TMEM63A: variants seen among roughly 807,000 people sequenced by gnomAD.
TMEM63A encodes mechanosensitive cation channel TMEM63A.
A neutral mutation model predicts 100.6 loss-of-function variants in TMEM63A; 76 were observed. That is an observed-to-expected ratio of 0.76 (90% CI 0.63 to 0.91). TMEM63A has a LOEUF of 0.91. Among genes scored for constraint, TMEM63A ranks in the 40% least tolerant of loss-of-function variants. The pLI, the probability that TMEM63A is intolerant of heterozygous loss-of-function variation, is 0.00. For missense variants in TMEM63A, 876 were observed against 1,008.8 expected (o/e 0.87, Z 1.78); for synonymous variants, 401 against 401.1 (o/e 1.00, Z 0.00).
At chr1:225,872,945 C>T (rs1235486610) in intron 4 of TMEM63A, among the ~76,000 whole-genome samples, 3 of 152,112 alleles carry the variant, frequency 2.0e-5, no homozygotes, top group Non-Finnish European at 4.4e-5. Context: ...ACCCCCGCCT[C>T]GGCCTCCCAA....
Position 225,859,244 on chromosome 1 carries a change from C to G in TMEM63A, c.1329G>C (p.Leu443=). 6.2e-7 allele frequency: 1 copy of G among 1,614,046 alleles called. No homozygotes were observed. The highest frequency in any genetic ancestry group is 8.5e-7 in the Non-Finnish European group (1 of 1,180,024). The change falls in exon 15 of 25, where the codon CTG becomes CTC. Residue 443 remains leucine, a synonymous_variant. Transcript: ENST00000366835. ...LFFLTTPSII[L]STMDKFNVTK... ...TGACATTAAACTTGTCCATGGTGGA[C>G]AGGATGATGGAGGGTGTGGTCAGGA...
At position 225,862,588 on chromosome 1, in the gene TMEM63A, T is replaced by A. The variant is rs1252540937; in HGVS notation, c.828-10A>T. ...CTTCTCAGTCTTCTTTCTGTAGGGG[T>A]GGGAGCGGGGGCACAAACCTCAGAT... On this transcript the variant is annotated splice_polypyrimidine_tract_variant and intron_variant, in intron 11 of 24. Coordinates refer to ENST00000366835, the MANE Select transcript of TMEM63A (RefSeq NM_014698.3). This position sits in a 1 kb window ranked among gnomAD's most constrained non-coding sequence, Gnocchi z 5.1. The A allele has an allele frequency of 1.9e-6, 3 of 1,611,560 alleles. No individual in the cohort carries two copies.
rs1670862401 is a variant in TMEM63A at position 225,877,449 on chromosome 1, C to A, written c.132G>T (p.Gly44=). 6.2e-7 allele frequency: 1 copy of A among 1,614,194 alleles called. No homozygotes were observed. Among genetic ancestry groups the A allele is most frequent in the Non-Finnish European group, 8.5e-7 (1 of 1,180,044 alleles). ...CAGTGGGGATGCCACCAAAGGTGAC[C>A]CCCTGGAGCACGGTGCTGTTTTTGG... ...NSAKNSTVLQ[G]VTFGGIPTVL... Residue 44 remains glycine (G), a synonymous_variant, in exon 3 of 25, where the codon GGG becomes GGT. Transcript: ENST00000366835.
Position 225,852,675 on chromosome 1 carries a change from A to G in TMEM63A, c.1892T>C (p.Ile631Thr). The change falls in exon 20 of 25, where the codon ATC becomes ACC. Residue 631 changes from isoleucine (I) to threonine (T), a missense_variant. By Grantham distance (89) the Ile-to-Thr change is moderately conservative (BLOSUM62 -1). Around this residue, in one of 5 missense-constraint regions of TMEM63A, gnomAD observed 339 missense variants for 342.3 expected, o/e 0.99. Coordinates refer to ENST00000366835, the MANE Select transcript of TMEM63A (RefSeq NM_014698.3). The stretch of plus-strand genomic sequence containing the variant: ...CCAGGGCCACTCACCAAATGGCGCG[A>G]TGATGGGACAAGTGATGCTGTAGGC... ...IVAYSITCPIIAPFGLIYILL... is the reference protein window; with the variant it reads ...IVAYSITCPITAPFGLIYILL... 1.2e-6 allele frequency: 2 copies of G among 1,613,048 alleles called. No homozygotes were observed. Among genetic ancestry groups the G allele is most frequent in the Non-Finnish European group, 1.7e-6 (2 of 1,180,026 alleles).
rs1669657417 is a variant in TMEM63A at position 225,857,020 on chromosome 1, A to C, written c.1378-3T>G. 9.5e-6 allele frequency: 15 copies of C among 1,578,214 alleles called. No individual in the cohort carries two copies. The highest frequency in any genetic ancestry group is 1.3e-5 in the Non-Finnish European group (15 of 1,168,160). ...AAGAACTGGCTGATGATCGGGTTCTAGGAGAAAGGTCCACAGCAGAGAGAG... is the reference window on the plus strand; with the variant it reads ...AAGAACTGGCTGATGATCGGGTTCTCGGAGAAAGGTCCACAGCAGAGAGAG... On this transcript the variant is annotated splice_region_variant and splice_polypyrimidine_tract_variant and intron_variant, in intron 15 of 24. Coordinates refer to ENST00000366835, the MANE Select transcript of TMEM63A (RefSeq NM_014698.3).
At chr1:225,857,385 G>T (rs1467562229) in intron 15 of TMEM63A, among the ~76,000 whole-genome samples, 2 of 2,552 alleles carry the variant, frequency 7.8e-4, no homozygotes, top group Non-Finnish European at 2.4e-3. Flanking sequence ...CCGGCGGGGC[G>T]GGGGGGGGGG....
At chr1:225,842,327 C>T (rs1423300429), downstream of TMEM63A, 1 of 1,449,036 alleles carries the variant, frequency 6.9e-7, no homozygotes, top group Non-Finnish European at 9.7e-7. Flanking sequence ...CTCTGGTCCC[C>T]AGGCCTGAGT....
At chr1:225,882,145 C>A (rs1045699345) in intron 1 of TMEM63A, among the ~76,000 whole-genome samples, 159 bp downstream of exon 1, 1 of 152,230 alleles carries the variant, frequency 6.6e-6, no homozygotes, top group African/African-American at 2.4e-5. Flanking sequence ...CCCGGACCCT[C>A]TCCTCCCACC....
chr1:225,852,998 G>A (rs1018285207), intron 19 of TMEM63A, among the ~76,000 whole-genome samples: 3 of 152,196 alleles, frequency 2.0e-5, no homozygotes, highest in Non-Finnish European at 4.4e-5. Flanking sequence ...TGCTCCCTTC[G>A]TTCCACCCAA....
rs1245910440 is a variant in TMEM63A at position 225,865,177 on chromosome 1, GC to G, written c.746+719del. ...GAAAGAATAAAATGTCAGCTCCTCA[GC>G]CCAGCCTTCAGGTCCTCCAGCATGG... On this transcript the variant is annotated intron_variant, in intron 10 of 24. Coordinates refer to ENST00000366835, the MANE Select transcript of TMEM63A (RefSeq NM_014698.3). The surrounding 1 kb of genome is among the most constrained non-coding windows in gnomAD (Gnocchi z 4.6). 1 of 152,328 alleles carries G rather than the reference GC, an allele frequency of 6.6e-6. No homozygotes were observed. The highest frequency in any genetic ancestry group is 2.4e-5 in the African/African-American group (1 of 41,416). The allele number at this position is 152,328 out of a possible 1,614,324, so 9.4% of individuals were successfully genotyped here. A position where few individuals can be genotyped will look rare whatever the true frequency, so the allele number is the denominator to read the frequency against.
intron 10 of TMEM63A, chr1:225,863,179 G>A (rs1419114899): frequency 6.8e-6 from 2 of 296,022 alleles, no homozygotes; most frequent in East Asian, 1.6e-4. Flanking sequence ...TCAGCCTCCT[G>A]AGTAGCTGGG....
intron 4 of TMEM63A, among the ~76,000 whole-genome samples, 155 bp from the exon 5 acceptor site, chr1:225,872,208 C>T (rs975803057): frequency 6.6e-6 from 1 of 152,062 alleles, no homozygotes; most frequent in Non-Finnish European, 1.5e-5. Context: ...ATAACTCACT[C>T]TGTGAAAGAT....
chr1:225,870,617 T>C (rs991024279), intron 6 of TMEM63A, among the ~76,000 whole-genome samples: 4 of 152,248 alleles, frequency 2.6e-5, no homozygotes, highest in African/African-American at 7.2e-5. Context: ...TTCAAAGACA[T>C]GCAAACCTGC....
intron 6 of TMEM63A, among the ~76,000 whole-genome samples, chr1:225,870,265 T>C (rs1452487346): frequency 6.6e-6 from 1 of 151,894 alleles, no homozygotes; most frequent in Non-Finnish European, 1.5e-5. Flanking sequence ...GGCAGGAGAA[T>C]TGCTTGAACC....
At chr1:225,869,452 C>G (rs1358799689) in intron 6 of TMEM63A, among the ~76,000 whole-genome samples, 1 of 152,154 alleles carries the variant, frequency 6.6e-6, no homozygotes, top group African/African-American at 2.4e-5. Flanking sequence ...GCCAGTTCCC[C>G]TGGGAACAAC....
intron 9 of TMEM63A, 162 bp downstream of exon 9, chr1:225,866,412 A>T: frequency 3.4e-5 from 20 of 593,450 alleles, no homozygotes; most frequent in Non-Finnish European, 4.2e-5. Context: ...TGTTTTTTTT[A>T]AAGATGGTGC....
downstream of TMEM63A, chr1:225,842,309 C>A: frequency 7.7e-7 from 1 of 1,304,066 alleles, no homozygotes; most frequent in Non-Finnish European, 1.1e-6. Context: ...ACACCTGAAG[C>A]TCCAGCTCTC....
intron 3 of TMEM63A, 63 bp from the exon 4 acceptor site, chr1:225,874,430 G>T: frequency 6.9e-7 from 1 of 1,451,312 alleles, no homozygotes; most frequent in Non-Finnish European, 9.5e-7. Flanking sequence ...AAGACACAGC[G>T]GTCTCAGGGG....
At position 225,846,267 on chromosome 1, in the gene TMEM63A, C is replaced by T. The variant is rs1668982245; in HGVS notation, c.*672G>A. Reference sequence around the variant, plus strand: ...GCCTGGAGGTGCAGACTCATGCACTCAGCCCTGAAGAGGTGAGAGAGGCTG... The same window carrying T: ...GCCTGGAGGTGCAGACTCATGCACTTAGCCCTGAAGAGGTGAGAGAGGCTG... On this transcript the variant is annotated 3_prime_UTR_variant, in exon 25 of 25. Coordinates refer to ENST00000366835, the MANE Select transcript of TMEM63A (RefSeq NM_014698.3). 1 of 152,614 alleles carries T rather than the reference C, an allele frequency of 6.6e-6. No individual in the cohort carries two copies. The highest frequency in any genetic ancestry group is 1.9e-4 in the East Asian group (1 of 5,202). The allele number at this position is 152,614 out of a possible 1,614,324, so 9.5% of individuals were successfully genotyped here. A position where few individuals can be genotyped will look rare whatever the true frequency, so the allele number is the denominator to read the frequency against.
Sources: allele counts gnomAD v4.1 joint callset (sites outside exome capture counted in the v4.1 genomes callset), GRCh38; gene constraint gnomAD v4.1.1; regional missense constraint gnomAD v4.1.1; non-coding constraint Gnocchi (gnomAD v3.1); transcripts MANE v1.5; gene names NCBI Gene and HGNC (gene_info 2026-07-23, HGNC 2026-07-21).